Variants in NCOA3 observed in about 807,000 individuals in gnomAD.
The protein encoded by NCOA3 is CBP-interacting protein.
NCOA3 carries 51 observed loss-of-function variants against 158.8 expected under a neutral mutation model. The ratio of observed to expected loss-of-function variants is 0.32; its 90% CI spans 0.26 to 0.41. NCOA3 has a LOEUF of 0.41. NCOA3 is among the 10% of genes least tolerant of loss of function. The pLI is 1.00. For missense variants in NCOA3, 1,510 were observed against 1,746.6 expected (o/e 0.86, Z 2.41); for synonymous variants, 537 against 592.4 (o/e 0.91, Z 1.36).
At chr20:47,605,408 T>G (rs1327113440) in intron 2 of NCOA3, among the ~76,000 whole-genome samples, 1 of 152,062 alleles carries the variant, frequency 6.6e-6, no homozygotes, top group Non-Finnish European at 1.5e-5. Context: ...TGTGTGTGTG[T>G]GTGTATGAGA....
chr20:47,546,094 A>G (rs972243496), intron 1 of NCOA3, among the ~76,000 whole-genome samples: 2 of 152,272 alleles, frequency 1.3e-5, no homozygotes, highest in South Asian at 2.1e-4. Context: ...CTTTTCATTT[A>G]GATTTCTAAT....
chr20:47,601,061 A>G (rs544919491), intron 2 of NCOA3, among the ~76,000 whole-genome samples: 19 of 152,332 alleles, frequency 1.2e-4, no homozygotes, highest in African/African-American at 3.1e-4. Flanking sequence ...TAGGTAGTTT[A>G]TAAAAGAAAG....
At chr20:47,637,374 T>TA (rs1251242293) in intron 12 of NCOA3, among the ~76,000 whole-genome samples, 3 of 152,216 alleles carry the variant, frequency 2.0e-5, no homozygotes, top group Non-Finnish European at 4.4e-5. Flanking sequence ...TAGTGACTGT[T>TA]ACCTGCAAAA....
chr20:47,526,049 C>A (rs78159138), intron 1 of NCOA3, among the ~76,000 whole-genome samples: 1 of 140,626 alleles, frequency 7.1e-6, no homozygotes, highest in Non-Finnish European at 1.6e-5. Flanking sequence ...TCAGACGGGG[C>A]GGTTGCCAGG....
chr20:47,525,752 G>A (rs2084428065), intron 1 of NCOA3, among the ~76,000 whole-genome samples: 2 of 116,668 alleles, frequency 1.7e-5, no homozygotes, highest in Admixed American at 7.7e-5. Flanking sequence ...GCGGCTGGCC[G>A]GGCGGGGGGC....
intron 12 of NCOA3, among the ~76,000 whole-genome samples, chr20:47,637,137 A>G (rs993727364): frequency 2.0e-5 from 3 of 152,222 alleles, no homozygotes; most frequent in Non-Finnish European, 2.9e-5. Flanking sequence ...GACATTCTGT[A>G]TAAGCATTTC....
chr20:47,558,934 G>C (rs957204178), intron 1 of NCOA3, among the ~76,000 whole-genome samples: 6 of 150,806 alleles, frequency 4.0e-5, no homozygotes, highest in African/African-American at 1.5e-4. Flanking sequence ...TTCTCCAGCA[G>C]GAATTTATTG....
intron 2 of NCOA3, among the ~76,000 whole-genome samples, chr20:47,584,458 A>T (rs921122835): frequency 6.6e-6 from 1 of 152,150 alleles, no homozygotes; most frequent in African/African-American, 2.4e-5. Context: ...CGTCTCTACT[A>T]AAAATACAAA....
chr20:47,519,956 G>A (rs551852823), intron 1 of NCOA3, among the ~76,000 whole-genome samples: 42 of 148,474 alleles, frequency 2.8e-4, no homozygotes, highest in African/African-American at 9.9e-4. Flanking sequence ...TAGAACCGGG[G>A]TTTCACCATG....
intron 1 of NCOA3, among the ~76,000 whole-genome samples, chr20:47,581,966 T>G (rs2146219479): frequency 6.6e-6 from 1 of 152,228 alleles, no homozygotes; most frequent in South Asian, 2.1e-4. Context: ...ATCTGATAAT[T>G]TTTGGACTAG....
intron 19 of NCOA3, among the ~76,000 whole-genome samples, chr20:47,649,484 T>C (rs2086746297): frequency 6.6e-6 from 1 of 152,132 alleles, no homozygotes; most frequent in South Asian, 2.1e-4. Flanking sequence ...TCTGAAATTA[T>C]AAAGAAGAAA....
At chr20:47,548,982 T>C (rs2084884071) in intron 1 of NCOA3, among the ~76,000 whole-genome samples, 2 of 152,200 alleles carry the variant, frequency 1.3e-5, no homozygotes, top group African/African-American at 4.8e-5. Context: ...ATTAGTGTTT[T>C]CTTGGTTTGG....
intron 2 of NCOA3, among the ~76,000 whole-genome samples, chr20:47,621,250 G>GT (rs2086235658): frequency 6.7e-6 from 1 of 148,484 alleles, no homozygotes; most frequent in South Asian, 2.1e-4. Context: ...TATTTTTTTT[G>GT]TTTTTTTGCT....
intron 1 of NCOA3, among the ~76,000 whole-genome samples, chr20:47,526,121 C>T (rs1276923806): frequency 1.3e-4 from 19 of 145,422 alleles, no homozygotes; most frequent in South Asian, 4.5e-4. Context: ...ACATCCCGGA[C>T]GGGGCGGCAG....
At chr20:47,561,511 A>G (rs1427241050) in intron 1 of NCOA3, among the ~76,000 whole-genome samples, 1 of 149,114 alleles carries the variant, frequency 6.7e-6, no homozygotes, top group Non-Finnish European at 1.5e-5. Context: ...TAGAGACAGG[A>G]TCTTGCTATG....
chr20:47,649,506 A>G (rs2086747000), intron 19 of NCOA3, among the ~76,000 whole-genome samples: 1 of 152,220 alleles, frequency 6.6e-6, no homozygotes. Context: ...TAAAGAATAC[A>G]TAATCCTGTT....
chr20:47,526,112 C>T (rs1346323619), intron 1 of NCOA3, among the ~76,000 whole-genome samples: 1 of 151,020 alleles, frequency 6.6e-6, no homozygotes, highest in African/African-American at 2.4e-5. Flanking sequence ...ACGCTCCTCA[C>T]ATCCCGGACG....
In NCOA3 at chr20:47,636,565, C is replaced by T. The variant is rs754041800; in HGVS notation, c.2179C>T (p.Leu727=). 2.2e-5 allele frequency: 36 copies of T among 1,614,034 alleles called. No individual in the cohort carries two copies. In the South Asian group the frequency reaches 3.3e-4, roughly 15 times the overall value. The change falls in exon 12 of 23, where the codon CTA becomes TTA. Residue 727 remains leucine, a synonymous_variant. Coordinates refer to ENST00000371998, the MANE Select transcript of NCOA3 (RefSeq NM_181659.3). ...CGGAAATGTTGTCAAGCAGGAGCAG[C>T]TAAGTCCTAAGAAGAAGGAGAATAA... ...GDGNVVKQEQ[L]SPKKKENNAL...
In NCOA3 at chr20:47,569,155, G is replaced by C. The variant is rs1019402817; in HGVS notation, c.-98-14028G>C. 3.3e-5 allele frequency among the ~76,000 whole-genome samples: 5 copies of C among 151,976 alleles called. No homozygotes were observed. In the South Asian group the frequency reaches 1.0e-3, roughly 32 times the overall value. ...GAGCCCACGAGTTTGAGACCAAGCT[G>C]GGCAACATAGCAAGACCCCATCTCT... On this transcript the variant is annotated intron_variant, in intron 1 of 22. Coordinates refer to ENST00000371998, the MANE Select transcript of NCOA3 (RefSeq NM_181659.3).
Sources: allele counts gnomAD v4.1 joint callset (sites outside exome capture counted in the v4.1 genomes callset), GRCh38; gene constraint gnomAD v4.1.1; transcripts MANE v1.5; gene names NCBI Gene and HGNC (gene_info 2026-07-23, HGNC 2026-07-21).